UNC5D: variants seen among roughly 807,000 people sequenced by gnomAD.
UNC5D encodes netrin receptor UNC5D.
In UNC5D, 39 loss-of-function variants were observed where a neutral mutation model predicts 105.4. The ratio of observed to expected loss-of-function variants is 0.37; its 90% confidence interval spans 0.29 to 0.48. The LOEUF (loss-of-function observed/expected upper bound fraction) is 0.48. Ranked by LOEUF, UNC5D falls within the 20% of genes least tolerant of loss-of-function variation. The probability of loss-of-function intolerance (pLI) is 0.98; values close to 1 mark genes in which losing one functional copy is unlikely to be tolerated. For synonymous variants in UNC5D, 452 were observed against 450.4 expected, an observed-to-expected ratio of 1.00 and a Z score of -0.04; for missense variants, 991 against 1,202.4, an observed-to-expected ratio of 0.82 and a Z score of 2.60.
intron 7 of UNC5D, among the ~76,000 whole-genome samples, chr8:35,700,623 G>A (rs972966446): frequency 1.3e-5 from 2 of 152,176 alleles, no homozygotes; most frequent in Non-Finnish European, 2.9e-5. Flanking sequence ...GAACCCTGAA[G>A]AGGGAAGGGC....
intron 1 of UNC5D, among the ~76,000 whole-genome samples, chr8:35,265,877 A>C (rs1351608068): frequency 5.2e-5 from 7 of 133,354 alleles, no homozygotes; most frequent in East Asian, 2.1e-4. Context: ...TCATAATAAT[A>C]ATAATAATAA....
At chr8:35,740,038 A>G (rs1829677690) in intron 11 of UNC5D, among the ~76,000 whole-genome samples, 1 of 152,204 alleles carries the variant, frequency 6.6e-6, no homozygotes, top group South Asian at 2.1e-4. Flanking sequence ...AAACTGAAAC[A>G]ATGAAGATAG....
At position 35,491,300 on chromosome 8, in the gene UNC5D, A is replaced by AT. The variant is rs568997744; in HGVS notation, c.104-57984dup. Reference sequence around the variant, plus strand: ...ATGTGTGATTATTTATTTGCCATGTATTTTTTTTAAATAAGCATAACCTGA... The same window carrying AT: ...ATGTGTGATTATTTATTTGCCATGTATTTTTTTTTAAATAAGCATAACCTGA... On this transcript the variant is annotated intron_variant, in intron 1 of 16. Transcript: ENST00000404895. Among the ~76,000 whole-genome samples the AT allele has an allele frequency of 4.6e-4, 70 of 151,464 alleles. 1 individual carries two copies. In the East Asian group the frequency reaches 0.013, roughly 29 times the overall value.
At chr8:35,501,707 C>T (rs772255435) in intron 1 of UNC5D, among the ~76,000 whole-genome samples, 2 of 152,180 alleles carry the variant, frequency 1.3e-5, no homozygotes, top group Non-Finnish European at 2.9e-5. Context: ...GATTTGCATT[C>T]AGTTACCCCA....
intron 7 of UNC5D, among the ~76,000 whole-genome samples, chr8:35,705,168 G>T (rs573229555): frequency 6.6e-6 from 1 of 152,184 alleles, no homozygotes; most frequent in Admixed American, 6.5e-5. Context: ...GTTTCACCGT[G>T]TTAGCCAGGA....
At chr8:35,269,195 A>G (rs1805099332) in intron 1 of UNC5D, among the ~76,000 whole-genome samples, 1 of 152,236 alleles carries the variant, frequency 6.6e-6, no homozygotes, top group Non-Finnish European at 1.5e-5. Flanking sequence ...TTATGTACCA[A>G]TAAAAATGAC....
chr8:35,640,369 C>T (rs1047548092), intron 4 of UNC5D, among the ~76,000 whole-genome samples: 10 of 152,100 alleles, frequency 6.6e-5, no homozygotes, highest in Non-Finnish European at 1.2e-4. Flanking sequence ...AACAGCCCTT[C>T]AAGAAATCAT....
chr8:35,388,141 A>C (rs2128938353), intron 1 of UNC5D, among the ~76,000 whole-genome samples: 1 of 152,216 alleles, frequency 6.6e-6, no homozygotes, highest in Non-Finnish European at 1.5e-5. Flanking sequence ...TGGGAGGCCG[A>C]GGTGGGTGGA....
chr8:35,538,287 C>T (rs987948176), intron 1 of UNC5D, among the ~76,000 whole-genome samples: 4 of 150,446 alleles, frequency 2.7e-5, no homozygotes, highest in African/African-American at 9.8e-5. Flanking sequence ...AATTGAGTGG[C>T]AGTCCCTATA....
chr8:35,461,299 T>G (rs1050170465), intron 1 of UNC5D, among the ~76,000 whole-genome samples: 2 of 152,196 alleles, frequency 1.3e-5, no homozygotes, highest in African/African-American at 2.4e-5. Context: ...CTTTTTATGC[T>G]TGAACTCCCT....
chr8:35,567,838 C>G (rs1248062555), intron 2 of UNC5D, among the ~76,000 whole-genome samples: 1 of 152,142 alleles, frequency 6.6e-6, no homozygotes, highest in Non-Finnish European at 1.5e-5. Context: ...ACAAACAGCA[C>G]TAAGTCAAGG....
intron 11 of UNC5D, among the ~76,000 whole-genome samples, chr8:35,731,384 G>T: frequency 8.8e-6 from 1 of 113,940 alleles, no homozygotes; most frequent in South Asian, 3.1e-4. Flanking sequence ...CTGGGCAACA[G>T]TGAGACTCTG....
chr8:35,555,310 G>A (rs1296363828), intron 2 of UNC5D, among the ~76,000 whole-genome samples: 1 of 152,084 alleles, frequency 6.6e-6, no homozygotes, highest in Non-Finnish European at 1.5e-5. Flanking sequence ...TACATAAACT[G>A]GTAGAGTATG....
At chr8:35,330,564 T>A (rs1810534615) in intron 1 of UNC5D, among the ~76,000 whole-genome samples, 2 of 152,264 alleles carry the variant, frequency 1.3e-5, no homozygotes, top group Non-Finnish European at 2.9e-5. Flanking sequence ...CATCGTGGTA[T>A]AATTCCATTT....
intron 9 of UNC5D, 73 bp downstream of exon 9, chr8:35,722,468 T>C: frequency 6.6e-7 from 1 of 1,516,104 alleles, no homozygotes; most frequent in South Asian, 1.3e-5. Context: ...CCCAGCCTTC[T>C]CCTGGGCCCT....
chr8:35,599,961 C>T (rs887979215), intron 4 of UNC5D, among the ~76,000 whole-genome samples: 20 of 152,068 alleles, frequency 1.3e-4, no homozygotes, highest in African/African-American at 4.6e-4. Context: ...CCTCCCCCAA[C>T]CCCACAACAG....
At chr8:35,543,978 C>T (rs1030381458) in intron 1 of UNC5D, among the ~76,000 whole-genome samples, 2 of 152,174 alleles carry the variant, frequency 1.3e-5, no homozygotes, top group Non-Finnish European at 2.9e-5. Flanking sequence ...GAATCCATTC[C>T]TCTGAAACAA....
chr8:35,360,559 G>A (rs2128917518), intron 1 of UNC5D, among the ~76,000 whole-genome samples: 1 of 152,240 alleles, frequency 6.6e-6, no homozygotes, highest in African/African-American at 2.4e-5. Flanking sequence ...TCTTGTTTTA[G>A]TGCATCGTCT....
chr8:35,568,376 T>A, intron 3 of UNC5D, 135 bp downstream of exon 3: 1 of 1,283,302 alleles, frequency 7.8e-7, no homozygotes, highest in Non-Finnish European at 1.0e-6. Flanking sequence ...TTCTAAAATG[T>A]TATTTTAAAA....
Sources: allele counts gnomAD v4.1 joint callset (sites outside exome capture counted in the v4.1 genomes callset), GRCh38; gene constraint gnomAD v4.1.1; transcripts MANE v1.5; gene names NCBI Gene and HGNC (gene_info 2026-07-23, HGNC 2026-07-21).